NRXN2: variants seen among roughly 807,000 people sequenced by gnomAD.
NRXN2 encodes neurexin 2.
Under a neutral mutation model 128.8 loss-of-function variants are expected in NRXN2, and 29 were observed. The observed-to-expected ratio is 0.23, with a 90% confidence interval of 0.17 to 0.31. The LOEUF (loss-of-function observed/expected upper bound fraction) is 0.31. Ranked by LOEUF, NRXN2 falls within the 10% of genes least tolerant of loss-of-function variation. The pLI is 1.00. For synonymous variants in NRXN2, 1,098 were observed against 1,075.2 expected (o/e 1.02, Z -0.41); for missense variants, 1,881 against 2,452.6 (o/e 0.77, Z 4.92).
rs570539757 is a variant in NRXN2 at position 64,616,049 on chromosome 11, C to T, written c.4252+4245G>A. Among the ~76,000 whole-genome samples the T allele has an allele frequency of 9.2e-5, 14 of 152,200 alleles. No individual in the cohort carries two copies. In the East Asian group the frequency reaches 2.5e-3, roughly 27 times the overall value. ...TGACTGTGCATGGAAGTATGAGCTT[C>T]TATAGGGGCGGGCTTGGTGGGAGAG... is the stretch of plus-strand genomic sequence containing the variant. On this transcript the variant is annotated intron_variant, in intron 22 of 22. Transcript: ENST00000265459.
At position 64,630,488 on chromosome 11, in the gene NRXN2, T is replaced by C. The variant is rs758457932; in HGVS notation, c.3671A>G (p.Lys1224Arg). The C allele has an allele frequency of 5.0e-6, 8 of 1,614,014 alleles. No individual in the cohort carries two copies. The highest frequency in any genetic ancestry group is 6.8e-6 in the Non-Finnish European group (8 of 1,180,008). Residue 1224 changes from lysine (K) to arginine (R), a missense_variant, in exon 19 of 23, where the codon AAA becomes AGA. Physicochemically the swap from Lys to Arg is conservative, Grantham distance 26. Around this residue, in one of 7 missense-constraint regions of NRXN2, gnomAD observed 390 missense variants for 599.6 expected, o/e 0.65. Transcript: ENST00000265459. The surrounding 1 kb of genome is among the most constrained non-coding windows in gnomAD (Gnocchi z 4.6). Reference sequence around the variant, plus strand: ...TCGAGTGAAGCGCACCACGTGGTATTTGCCGTCGCTTACTATGGCGTTGGG... The same window carrying C: ...TCGAGTGAAGCGCACCACGTGGTATCTGCCGTCGCTTACTATGGCGTTGGG... ...DEPNAIVSDG[K>R]YHVVRFTRSG...
chr11:64,643,379 G>A (rs1282907602), intron 17 of NRXN2: 1 of 523,746 alleles, frequency 1.9e-6, no homozygotes, highest in East Asian at 1.6e-4. Context: ...GGCGGGAGAA[G>A]GGGGAAGGGA....
At chr11:64,652,509 C>T (rs2135458443) in intron 12 of NRXN2, among the ~76,000 whole-genome samples, 1 of 152,274 alleles carries the variant, frequency 6.6e-6, no homozygotes, top group East Asian at 1.9e-4. Context: ...ACACCCACAC[C>T]TATGACCAAC....
chr11:64,648,616 T>A lies in NRXN2; in HGVS notation c.3283+118A>T. On this transcript the variant is annotated intron_variant, in intron 16 of 22. Transcript: ENST00000265459. The surrounding 1 kb of genome is among the most constrained non-coding windows in gnomAD (Gnocchi z 4.1). ...CCAGAACTGTGGGGGCAAGCTCCCATAAGGCCTGAGAAGGAAGGCCCCTTG... is the reference window on the plus strand; with the variant it reads ...CCAGAACTGTGGGGGCAAGCTCCCAAAAGGCCTGAGAAGGAAGGCCCCTTG... 1 of 1,387,720 alleles carries A rather than the reference T, an allele frequency of 7.2e-7. No homozygotes were observed. Among genetic ancestry groups the A allele is most frequent in the African/African-American group, 1.4e-5 (1 of 70,328 alleles). The allele number at this position is 1,387,720 out of a possible 1,614,324, so 86.0% of individuals were successfully genotyped here. A position where few individuals can be genotyped will look rare whatever the true frequency, so the allele number is the denominator to read the frequency against.
intron 12 of NRXN2, 132 bp from the exon 13 acceptor site, chr11:64,652,286 C>G: frequency 1.6e-6 from 2 of 1,228,802 alleles, no homozygotes; most frequent in Non-Finnish European, 2.3e-6. Context: ...TGACCAGTGG[C>G]TCATATTTGG....
intron 17 of NRXN2, among the ~76,000 whole-genome samples, chr11:64,638,922 G>A (rs956069132): frequency 2.6e-5 from 4 of 152,086 alleles, no homozygotes; most frequent in African/African-American, 9.7e-5. Context: ...ATTCCATGCA[G>A]TCCCACACAC....
At chr11:64,643,815 C>T (rs1025990205) in intron 17 of NRXN2, among the ~76,000 whole-genome samples, 3 of 152,080 alleles carry the variant, frequency 2.0e-5, no homozygotes, top group Middle Eastern at 3.4e-3. Context: ...AGAAGGGACC[C>T]TGCTGAATAA....
rs893497254 is a variant in NRXN2, at chr11:64,714,513, A to G, written c.-244-570T>C. Among the ~76,000 whole-genome samples the G allele has an allele frequency of 2.0e-5, 3 of 152,134 alleles. No individual in the cohort carries two copies. The East Asian group carries it at 5.8e-4, about 29-fold the overall frequency. ...GAGAGAAGCCAGCCAGGACCCAGAT[A>G]TCCAGGCCCCAAGCCCTCTCCATCC... is the stretch of plus-strand genomic sequence containing the variant. On this transcript the variant is annotated intron_variant, in intron 1 of 22. Transcript: ENST00000265459. The surrounding 1 kb of genome is among the most constrained non-coding windows in gnomAD (Gnocchi z 4.5).
intron 15 of NRXN2, among the ~76,000 whole-genome samples, 155 bp from the exon 16 acceptor site, chr11:64,649,062 C>T (rs1181169579): frequency 1.3e-5 from 2 of 152,110 alleles, no homozygotes; most frequent in African/African-American, 2.4e-5. Flanking sequence ...CTGCACAACC[C>T]GCACCCCCCC....
chr11:64,674,485 GTTGT>G (rs1361564598), intron 7 of NRXN2, among the ~76,000 whole-genome samples: 1 of 152,100 alleles, frequency 6.6e-6, no homozygotes, highest in Non-Finnish European at 1.5e-5. Flanking sequence ...AGCCCAGCAG[GTTGT>G]TTGCTTCTTA....
chr11:64,615,501 A>C (rs1414482785), intron 22 of NRXN2, among the ~76,000 whole-genome samples: 3 of 152,236 alleles, frequency 2.0e-5, no homozygotes, highest in African/African-American at 7.2e-5. Flanking sequence ...TGAGGGTCTC[A>C]TTCATGTGTG....
intron 17 of NRXN2, among the ~76,000 whole-genome samples, chr11:64,645,927 C>A (rs1197350185): frequency 6.6e-6 from 1 of 152,176 alleles, no homozygotes; most frequent in Non-Finnish European, 1.5e-5. Context: ...GCAGAGCTAA[C>A]TGAACGGGTC....
intron 3 of NRXN2, among the ~76,000 whole-genome samples, chr11:64,693,863 A>G (rs1368984209): frequency 6.6e-6 from 1 of 152,180 alleles, no homozygotes; most frequent in East Asian, 1.9e-4. Flanking sequence ...CATAAATTAC[A>G]GACCCCCTTT....
At chr11:64,661,353 A>T (rs2049005734) in intron 9 of NRXN2, 1 of 1,447,156 alleles carries the variant, frequency 6.9e-7, no homozygotes, top group African/African-American at 1.4e-5. Context: ...GGCTTCTGTG[A>T]CGCAGCCCCA....
intron 6 of NRXN2, among the ~76,000 whole-genome samples, chr11:64,682,222 TG>T (rs2052407296): frequency 6.6e-6 from 1 of 150,466 alleles, no homozygotes. Context: ...ACTCTGCCCC[TG>T]GGGCAGTCCC....
Position 64,622,912 on chromosome 11 carries a change from G to A in NRXN2, c.4014C>T (p.Arg1338=). 1 of 1,613,274 alleles carries A rather than the reference G, an allele frequency of 6.2e-7. No homozygotes were observed. Among genetic ancestry groups the A allele is most frequent in the Non-Finnish European group, 8.5e-7 (1 of 1,179,854 alleles). The part of the protein sequence containing the change: ...DPNVRTEGHL[R]LVGEGPSVLL... Reference sequence around the variant, plus strand: ...GCACGGACGGCCCCTCCCCCACCAGGCGCAGGTGACCCTCAGTCCGCACAT... The same window carrying A: ...GCACGGACGGCCCCTCCCCCACCAGACGCAGGTGACCCTCAGTCCGCACAT... The change falls in exon 21 of 23, where the codon CGC becomes CGT. Residue 1338 remains arginine, a synonymous_variant. Coordinates refer to ENST00000265459, the MANE Select transcript of NRXN2 (RefSeq NM_015080.4). This position sits in a 1 kb window ranked among gnomAD's most constrained non-coding sequence, Gnocchi z 4.3.
intron 17 of NRXN2, among the ~76,000 whole-genome samples, chr11:64,640,606 G>T (rs1291451317): frequency 6.6e-6 from 1 of 152,242 alleles, no homozygotes; most frequent in East Asian, 1.9e-4. Context: ...GTTGGGTGGG[G>T]TCATGGAAGA....
intron 19 of NRXN2, among the ~76,000 whole-genome samples, chr11:64,629,509 C>T (rs1011917386): frequency 6.6e-6 from 1 of 152,176 alleles, no homozygotes; most frequent in Non-Finnish European, 1.5e-5. Flanking sequence ...GGTTTCCTCT[C>T]ATTCTAAGGC....
chr11:64,618,879 G>A (rs2041920263), intron 22 of NRXN2, among the ~76,000 whole-genome samples: 2 of 152,156 alleles, frequency 1.3e-5, no homozygotes, highest in African/African-American at 2.4e-5. Flanking sequence ...CTACTTGGGG[G>A]ACATGGAGGG....
Sources: gnomAD v4.1 joint callset for allele counts (sites outside exome capture counted in the v4.1 genomes callset) on GRCh38, gnomAD v4.1.1 for gene constraint, gnomAD v4.1.1 regional missense constraint, Gnocchi (gnomAD v3.1) non-coding constraint, MANE v1.5 for transcripts, NCBI Gene and HGNC (gene_info 2026-07-23, HGNC 2026-07-21) for gene names.